The following SNX29 variants were observed in gnomAD, a reference collection of about 807,000 sequenced individuals.
The protein encoded by SNX29 is sorting nexin-29.
SNX29 carries 78 observed loss-of-function variants against 102.1 expected under a neutral mutation model. The observed-to-expected ratio is 0.76, with a 90% CI of 0.64 to 0.92. The LOEUF is 0.92. Among genes scored for constraint, SNX29 ranks in the 40% least tolerant of loss-of-function variants. The pLI, the probability that SNX29 is intolerant of heterozygous loss-of-function variation, is 0.00. For missense variants in SNX29, 1,280 were observed against 1,061.7 expected (o/e 1.21, Z -2.86); for synonymous variants, 580 against 414.5 (o/e 1.40, Z -4.85).
At chr16:12,508,643 C>G (rs911102552) in intron 19 of SNX29, among the ~76,000 whole-genome samples, 4 of 152,248 alleles carry the variant, frequency 2.6e-5, no homozygotes, top group African/African-American at 7.2e-5. Flanking sequence ...GTCCCTCCCG[C>G]TTTACCAACG....
At chr16:12,116,810 C>T (rs866598737) in intron 11 of SNX29, among the ~76,000 whole-genome samples, 10 of 152,064 alleles carry the variant, frequency 6.6e-5, no homozygotes, top group Non-Finnish European at 1.2e-4. Flanking sequence ...GCGGACGAAC[C>T]GTGGAAACAG....
At chr16:12,051,789 C>A in intron 7 of SNX29, 58 bp from the exon 8 acceptor site, 2 of 1,578,944 alleles carry the variant, frequency 1.3e-6, no homozygotes, top group Non-Finnish European at 8.6e-7. Context: ...TTGGTTCCAT[C>A]ATCCTTTTGT....
chr16:12,208,389 G>A (rs1326106140), intron 14 of SNX29, among the ~76,000 whole-genome samples: 2 of 147,434 alleles, frequency 1.4e-5, no homozygotes, highest in African/African-American at 5.1e-5. Context: ...TTCAGAAACA[G>A]CTTACTTTGG....
rs1037741180 is a variant in SNX29, at chr16:12,217,823, A to G, written c.1678+18140A>G. On this transcript the variant is annotated intron_variant, in intron 14 of 20. Transcript: ENST00000566228. ...CATGCTCATGTCATTTGGGGATGGC[A>G]TAACTCAGCCTCATCCTCCATCTAT... Among the ~76,000 whole-genome samples, 14 of 152,246 alleles carry G rather than the reference A, an allele frequency of 9.2e-5. 1 individual carries two copies. The highest frequency in any genetic ancestry group is 7.8e-4 in the Admixed American group (12 of 15,294).
chr16:12,426,173 C>T (rs1260790289), intron 18 of SNX29, among the ~76,000 whole-genome samples: 1 of 151,932 alleles, frequency 6.6e-6, no homozygotes, highest in Non-Finnish European at 1.5e-5. Context: ...GACAAACAGT[C>T]CTCAAACCTT....
At chr16:12,430,657 T>C (rs1044076193) in intron 18 of SNX29, among the ~76,000 whole-genome samples, 1 of 152,226 alleles carries the variant, frequency 6.6e-6, no homozygotes, top group African/African-American at 2.4e-5. Flanking sequence ...CCCAGTAATA[T>C]AGCTCATTCT....
At chr16:12,535,829 T>G (rs2077060965) in intron 20 of SNX29, among the ~76,000 whole-genome samples, 1 of 152,142 alleles carries the variant, frequency 6.6e-6, no homozygotes, top group Non-Finnish European at 1.5e-5. Context: ...CACTTTGGCC[T>G]CTCAGTGCTT....
rs1352706401 is a variant in SNX29 at position 12,176,208 on chromosome 16, C to T, written c.1596-23393C>T. ...TGTGAGAAATACATTTCTGTGGTTT[C>T]AACTGCCCAGTCTCTGGTATTTTGT... On this transcript the variant is annotated intron_variant, in intron 13 of 20. Transcript: ENST00000566228. Among the ~76,000 whole-genome samples, 8 of 152,308 alleles carry T rather than the reference C, an allele frequency of 5.3e-5. No individual in the cohort carries two copies. The East Asian group carries it at 1.4e-3, about 26-fold the overall frequency.
chr16:12,242,752 C>T (rs577973021), intron 14 of SNX29, among the ~76,000 whole-genome samples: 2 of 152,022 alleles, frequency 1.3e-5, no homozygotes, highest in South Asian at 4.2e-4. Context: ...CTACCAGGCT[C>T]CAGCAATCCT....
chr16:12,166,819 C>T (rs937750693), intron 13 of SNX29, among the ~76,000 whole-genome samples: 5 of 152,214 alleles, frequency 3.3e-5, no homozygotes, highest in Non-Finnish European at 4.4e-5. Flanking sequence ...TCCAGCAGAT[C>T]TCGTGTCCAA....
At chr16:12,354,804 AT>A (rs2082086175) in intron 15 of SNX29, among the ~76,000 whole-genome samples, 1 of 152,230 alleles carries the variant, frequency 6.6e-6, no homozygotes, top group Non-Finnish European at 1.5e-5. Flanking sequence ...TCCAAAAGGA[AT>A]AAGGTAACAA....
At chr16:12,277,866 T>G (rs2079303905) in intron 14 of SNX29, 67 bp from the exon 15 acceptor site, 3 of 1,433,778 alleles carry the variant, frequency 2.1e-6, no homozygotes, top group Admixed American at 2.0e-5. Flanking sequence ...AATTTTTTCT[T>G]TTTTTACTGG....
intron 20 of SNX29, among the ~76,000 whole-genome samples, chr16:12,526,345 C>T (rs2076782903): frequency 6.6e-6 from 1 of 152,126 alleles, no homozygotes; most frequent in South Asian, 2.1e-4. Context: ...TCCAGATCGA[C>T]ATGAGCAGCT....
intron 20 of SNX29, among the ~76,000 whole-genome samples, chr16:12,540,079 T>C (rs915745439): frequency 6.6e-6 from 1 of 152,240 alleles, no homozygotes; most frequent in Non-Finnish European, 1.5e-5. Flanking sequence ...GTGTCATGTC[T>C]ACCAATTGTT....
rs1233268415 is a variant in SNX29 at position 12,570,529 on chromosome 16, G to T, written c.*1900G>T. 1 of 232,464 alleles carries T rather than the reference G, an allele frequency of 4.3e-6. No homozygotes were observed. Among genetic ancestry groups the T allele is most frequent in the Admixed American group, 5.6e-5 (1 of 17,748 alleles). The allele number at this position is 232,464 out of a possible 1,614,324, so 14.4% of individuals were successfully genotyped here. Reference sequence around the variant, plus strand: ...GGGTTTATGCCACATCGGTCATTTTGAAGTAGGTGTTTGATGCCAGCTCAG... The same window carrying T: ...GGGTTTATGCCACATCGGTCATTTTTAAGTAGGTGTTTGATGCCAGCTCAG... On this transcript the variant is annotated 3_prime_UTR_variant, in exon 21 of 21. Coordinates refer to ENST00000566228, the MANE Select transcript of SNX29 (RefSeq NM_032167.5).
chr16:12,461,978 A>AAATAAT (rs1555544501), intron 18 of SNX29, among the ~76,000 whole-genome samples: 1 of 27,354 alleles, frequency 3.7e-5, no homozygotes, highest in Non-Finnish European at 6.3e-5. Flanking sequence ...AAAAAAAAAA[A>AAATAAT]ATATATATAT....
At position 12,570,509 on chromosome 16, in the gene SNX29, T is replaced by G; in HGVS notation, c.*1880T>G. ...ATGTCATGACCCCTTAGGTTGGGTT[T>G]ATGCCACATCGGTCATTTTGAAGTA... On this transcript the variant is annotated 3_prime_UTR_variant, in exon 21 of 21. Transcript: ENST00000566228. 1 of 232,934 alleles carries G rather than the reference T, an allele frequency of 4.3e-6. No individual in the cohort carries two copies. The highest frequency in any genetic ancestry group is 8.5e-6 in the Non-Finnish European group (1 of 117,906). 14.4% of individuals were successfully genotyped at this position (232,934 alleles called of 1,614,324 possible).
At position 12,356,242 on chromosome 16, in the gene SNX29, C is replaced by G. The variant is rs772943847; in HGVS notation, c.1862C>G (p.Ser621Cys). Residue 621 changes from serine to cysteine, a missense_variant, in exon 16 of 21, where the codon TCC becomes TGC. Physicochemically the swap from Ser to Cys is moderately radical, Grantham distance 112 (BLOSUM62 -1). Transcript: ENST00000566228. The part of the protein sequence containing the change: ...RALVAKEALV[S>C]QMRQELIDLR... The stretch of plus-strand genomic sequence containing the variant: ...CTGGTAGCCAAGGAAGCCCTCGTGT[C>G]CCAGATGAGGCAGGAGCTCATCGAT... 1.4e-5 allele frequency: 22 copies of G among 1,612,398 alleles called. No homozygotes were observed. In the East Asian group the frequency reaches 4.7e-4, roughly 34 times the overall value.
chr16:11,999,251 G>A lies in SNX29; in HGVS notation c.8-46G>A, dbSNP rs377673253. Reference sequence around the variant, plus strand: ...AGGACTGATCTAGTTGGGGACAGCCGTGTCCGAGCGTCAGAGAGAACTAAT... The same window carrying A: ...AGGACTGATCTAGTTGGGGACAGCCATGTCCGAGCGTCAGAGAGAACTAAT... On this transcript the variant is annotated intron_variant, in intron 1 of 20. Transcript: ENST00000566228. 44 of 1,588,938 alleles carry A rather than the reference G, an allele frequency of 2.8e-5. 1 individual carries two copies. Among genetic ancestry groups the A allele is most frequent in the South Asian group, 5.5e-5 (5 of 90,298 alleles).
Sources: gnomAD v4.1 joint callset for allele counts (sites outside exome capture counted in the v4.1 genomes callset) on GRCh38, gnomAD v4.1.1 for gene constraint, MANE v1.5 for transcripts, NCBI Gene and HGNC (gene_info 2026-07-23, HGNC 2026-07-21) for gene names.